ARFGEF3: variants seen among roughly 807,000 people sequenced by gnomAD.
ARFGEF3 encodes ARFGEF family member 3, also known as brefeldin A-inhibited guanine nucleotide-exchange protein 3.
A neutral mutation model predicts 221.7 loss-of-function variants in ARFGEF3; 96 were observed. The observed-to-expected ratio is 0.43, with a 90% CI of 0.37 to 0.51. The LOEUF is 0.51. Among genes scored for constraint, ARFGEF3 ranks in the 20% least tolerant of loss-of-function variants. The probability of loss-of-function intolerance (pLI) is 0.00; values close to 1 mark genes in which losing one functional copy is unlikely to be tolerated. For synonymous variants in ARFGEF3, 1,145 were observed against 1,126.8 expected (o/e 1.02, Z -0.32); for missense variants, 2,410 against 2,789.9 (o/e 0.86, Z 3.07).
intron 2 of ARFGEF3, among the ~76,000 whole-genome samples, chr6:138,196,291 C>T (rs1777420777): frequency 6.6e-6 from 1 of 152,112 alleles, no homozygotes; most frequent in South Asian, 2.1e-4. Flanking sequence ...ATTATGCAAA[C>T]ATCATAGAGT....
intron 4 of ARFGEF3, among the ~76,000 whole-genome samples, chr6:138,226,156 T>C (rs1011233238): frequency 6.6e-6 from 1 of 152,178 alleles, no homozygotes; most frequent in Non-Finnish European, 1.5e-5. Flanking sequence ...GACATGTCCT[T>C]GGGAGAGGAT....
intron 6 of ARFGEF3, among the ~76,000 whole-genome samples, chr6:138,242,529 A>C (rs1778410987): frequency 6.6e-6 from 1 of 152,166 alleles, no homozygotes; most frequent in Non-Finnish European, 1.5e-5. Context: ...GTCTGTGTTT[A>C]TTAGGGGCCA....
intron 2 of ARFGEF3, among the ~76,000 whole-genome samples, chr6:138,201,626 G>A (rs1048971054): frequency 2.0e-5 from 3 of 152,158 alleles, no homozygotes; most frequent in Non-Finnish European, 4.4e-5. Context: ...CTATGAAGAC[G>A]CAAAGGCATA....
Position 138,255,505 on chromosome 6 carries a change from T to A in ARFGEF3, c.840T>A (p.Ala280=). 6.2e-7 allele frequency: 1 copy of A among 1,613,978 alleles called. No homozygotes were observed. The highest frequency in any genetic ancestry group is 8.5e-7 in the Non-Finnish European group (1 of 1,179,888). ...TTCATGACAAAACCATCACCTCTGCTCACACCAGCAGCACCAGTACCAGCC... is the reference window on the plus strand; with the variant it reads ...TTCATGACAAAACCATCACCTCTGCACACACCAGCAGCACCAGTACCAGCC... ...NPIHDKTITS[A]HTSSTSTSLE... is the part of the protein sequence containing the mutation. Residue 280 remains alanine, a synonymous_variant, in exon 10 of 34, where the codon GCT becomes GCA. Transcript: ENST00000251691.
intron 2 of ARFGEF3, among the ~76,000 whole-genome samples, chr6:138,173,296 T>A (rs1011649116): frequency 2.0e-5 from 3 of 152,134 alleles, no homozygotes; most frequent in Admixed American, 1.3e-4. Context: ...GATGAAAAAA[T>A]TTGAATGCTA....
chr6:138,226,153 C>G (rs1778080592), intron 4 of ARFGEF3, among the ~76,000 whole-genome samples: 2 of 152,104 alleles, frequency 1.3e-5, no homozygotes, highest in South Asian at 4.2e-4. Context: ...CAGGACATGT[C>G]CTTGGGAGAG....
chr6:138,280,737 G>C (rs1227810436), intron 14 of ARFGEF3, among the ~76,000 whole-genome samples: 1 of 152,198 alleles, frequency 6.6e-6, no homozygotes, highest in Non-Finnish European at 1.5e-5. Context: ...TGTAATCCCA[G>C]CTACTTGGGA....
At chr6:138,252,830 A>C (rs1044291460) in intron 8 of ARFGEF3, among the ~76,000 whole-genome samples, 1 of 152,180 alleles carries the variant, frequency 6.6e-6, no homozygotes, top group Admixed American at 6.5e-5. Context: ...TGTCCCTGAA[A>C]ATTAAATTCT....
At chr6:138,210,145 T>G in intron 4 of ARFGEF3, 104 bp downstream of exon 4, 3 of 1,138,366 alleles carry the variant, frequency 2.6e-6, no homozygotes, top group Non-Finnish European at 2.5e-6. Context: ...TCATGCTAGC[T>G]CATCTTCATT....
chr6:138,301,009 T>C (rs1779619903), intron 22 of ARFGEF3, among the ~76,000 whole-genome samples: 1 of 152,200 alleles, frequency 6.6e-6, no homozygotes, highest in Non-Finnish European at 1.5e-5. Context: ...GGAAATAACA[T>C]GTCATTGAAA....
chr6:138,209,282 G>T (rs1409417820), intron 3 of ARFGEF3, among the ~76,000 whole-genome samples: 2 of 152,154 alleles, frequency 1.3e-5, no homozygotes. Context: ...ATGTGTGTGT[G>T]TGACTAGTGG....
intron 2 of ARFGEF3, among the ~76,000 whole-genome samples, chr6:138,188,067 G>A (rs140605733): frequency 1.3e-5 from 2 of 152,288 alleles, no homozygotes; most frequent in South Asian, 4.1e-4. Flanking sequence ...TTGAGTATTT[G>A]TTTATTGAGA....
chr6:138,249,281 C>T (rs1376437168), intron 8 of ARFGEF3, among the ~76,000 whole-genome samples: 1 of 152,164 alleles, frequency 6.6e-6, no homozygotes, highest in Non-Finnish European at 1.5e-5. Context: ...AAAAACAAAG[C>T]ATTTCTTAAC....
chr6:138,292,035 T>C lies in ARFGEF3; in HGVS notation c.3350T>C (p.Leu1117Pro). Residue 1117 changes from leucine (L) to proline (P), a missense_variant, in exon 19 of 34, where the codon CTC becomes CCC. Physicochemically the swap from Leu to Pro is moderately conservative, Grantham distance 98. Around this residue, in one of 5 missense-constraint regions of ARFGEF3, gnomAD observed 184 missense variants for 141.8 expected, o/e 1.30. Coordinates refer to ENST00000251691, the MANE Select transcript of ARFGEF3 (RefSeq NM_020340.5). ...AGCGCGGCCAAGGTGGTGCTCACCC[T>C]CTCCACGCAAGCCGACAGGTGCGCG... ...GSSAAKVVLT[L>P]STQADRLFED... The C allele has an allele frequency of 6.8e-7, 1 of 1,460,602 alleles. No homozygotes were observed. 90.5% of individuals were successfully genotyped at this position (1,460,602 alleles called of 1,614,324 possible).
chr6:138,178,224 A>C (rs1341795444), intron 2 of ARFGEF3, among the ~76,000 whole-genome samples: 1 of 152,210 alleles, frequency 6.6e-6, no homozygotes, highest in Non-Finnish European at 1.5e-5. Flanking sequence ...GCCATCTCAT[A>C]TAATGAAATA....
At chr6:138,255,326 A>G (rs748343948) in intron 9 of ARFGEF3, 110 bp from the exon 10 acceptor site, 119 of 713,458 alleles carry the variant, frequency 1.7e-4, no homozygotes, top group Non-Finnish European at 2.2e-4. Flanking sequence ...CAAAAGAAGA[A>G]GAAGTAAAGA....
intron 7 of ARFGEF3, among the ~76,000 whole-genome samples, chr6:138,244,313 G>A (rs377743923): frequency 1.3e-5 from 2 of 151,954 alleles, no homozygotes; most frequent in African/African-American, 2.4e-5. Flanking sequence ...CTTCCTTGAC[G>A]TACCGTCATC....
chr6:138,173,355 A>G (rs1162950909), intron 2 of ARFGEF3, among the ~76,000 whole-genome samples: 2 of 152,226 alleles, frequency 1.3e-5, no homozygotes, highest in African/African-American at 2.4e-5. Flanking sequence ...TAGTGACTAC[A>G]TAAGTAAAAG....
At chr6:138,319,978 C>T in intron 28 of ARFGEF3, 99 bp downstream of exon 28, 1 of 959,316 alleles carries the variant, frequency 1.0e-6, no homozygotes, top group Admixed American at 2.7e-5. Context: ...AATACGAATG[C>T]AGGGTTTTTG....
Sources: gnomAD v4.1 joint callset for allele counts (sites outside exome capture counted in the v4.1 genomes callset) on GRCh38, gnomAD v4.1.1 for gene constraint, gnomAD v4.1.1 regional missense constraint, MANE v1.5 for transcripts, NCBI Gene and HGNC (gene_info 2026-07-23, HGNC 2026-07-21) for gene names.